Variants in ACCSL observed in about 807,000 individuals in gnomAD.
ACCSL encodes the protein 1-aminocyclopropane-1-carboxylate synthase homolog (inactive) like.
Under a neutral mutation model 61.7 loss-of-function variants are expected in ACCSL, and 55 were observed. That is an observed-to-expected ratio of 0.89 (90% CI 0.72 to 1.12). The LOEUF (loss-of-function observed/expected upper bound fraction) is 1.12. ACCSL is among the 50% of genes most tolerant of loss of function. ACCSL has a pLI of 0.00. For missense variants in ACCSL, 632 were observed against 698.0 expected, an observed-to-expected ratio of 0.91 and a Z score of 1.07; for synonymous variants, 258 against 264.3, an observed-to-expected ratio of 0.98 and a Z score of 0.23.
chr11:43,982,583 C>A, the ACCSL span, among the ~76,000 whole-genome samples: 1 of 152,228 alleles, frequency 6.6e-6, no homozygotes, highest in South Asian at 2.1e-4. Context: ...TGTGTGTGAA[C>A]CGCCCGCATG....
At chr11:44,015,825 A>G in the ACCSL span, among the ~76,000 whole-genome samples, 2 of 152,206 alleles carry the variant, frequency 1.3e-5, no homozygotes, top group Admixed American at 6.5e-5. Flanking sequence ...TCTGAGCCTC[A>G]GTTTTCATAT....
chr11:44,052,857 G>A lies in ACCSL; in HGVS notation c.870+98G>A. 10 of 1,447,174 alleles carry A rather than the reference G, an allele frequency of 6.9e-6. No homozygotes were observed. In the South Asian group the frequency reaches 1.0e-4, roughly 15 times the overall value. 89.6% of individuals were successfully genotyped at this position (1,447,174 alleles called of 1,614,324 possible). A position where few individuals can be genotyped will look rare whatever the true frequency, so the allele number is the denominator to read the frequency against. Reference sequence around the variant, plus strand: ...AGGGGCTTGCTTTCTACCCATCTAAGTGGTTGGGTAGGGGTGGAGAAGGCA... The same window carrying A: ...AGGGGCTTGCTTTCTACCCATCTAAATGGTTGGGTAGGGGTGGAGAAGGCA... On this transcript the variant is annotated intron_variant, in intron 6 of 13. Transcript: ENST00000378832.
chr11:43,939,386 C>CAA, the ACCSL span, among the ~76,000 whole-genome samples: 1 of 152,186 alleles, frequency 6.6e-6, no homozygotes, highest in African/African-American at 2.4e-5. Context: ...TAAGGAGCTA[C>CAA]AAAGTACAGT....
the ACCSL span, among the ~76,000 whole-genome samples, chr11:44,010,601 A>T: frequency 6.6e-6 from 1 of 152,168 alleles, no homozygotes. Context: ...TGGTTTTGCT[A>T]TGTTCACATT....
chr11:43,994,774 A>C, the ACCSL span, among the ~76,000 whole-genome samples: 13 of 152,016 alleles, frequency 8.6e-5, no homozygotes, highest in Non-Finnish European at 1.8e-4. Flanking sequence ...CTGGGACTAC[A>C]ATGCGCGTGC....
the ACCSL span, among the ~76,000 whole-genome samples, chr11:43,979,805 C>T: frequency 1.4e-5 from 2 of 139,720 alleles, no homozygotes; most frequent in African/African-American, 5.5e-5. Flanking sequence ...TGAGATTGCG[C>T]GACTGTGCTC....
chr11:44,003,328 C>T, the ACCSL span, among the ~76,000 whole-genome samples: 1 of 152,154 alleles, frequency 6.6e-6, no homozygotes, highest in African/African-American at 2.4e-5. Context: ...ACTATCTTAA[C>T]TATTTTTAAA....
the ACCSL span, among the ~76,000 whole-genome samples, chr11:43,997,213 T>C: frequency 2.6e-5 from 4 of 152,084 alleles, no homozygotes; most frequent in Admixed American, 2.6e-4. Context: ...CTCGGAGGCG[T>C]GGACCAACAT....
chr11:44,029,561 G>T, the ACCSL span, among the ~76,000 whole-genome samples: 1 of 152,208 alleles, frequency 6.6e-6, no homozygotes, highest in African/African-American at 2.4e-5. Context: ...CAGTGAGGTG[G>T]TGCTGGATTG....
At chr11:43,943,555 G>C in the ACCSL span, 1 of 1,318,206 alleles carries the variant, frequency 7.6e-7, no homozygotes, top group South Asian at 1.2e-5. This position sits in a 1 kb window ranked among gnomAD's most constrained non-coding sequence, Gnocchi z 4.8. Flanking sequence ...GTGTGTGCGG[G>C]GAGGCGCGCC....
the ACCSL span, among the ~76,000 whole-genome samples, chr11:43,941,717 T>C: frequency 6.6e-6 from 1 of 152,214 alleles, no homozygotes; most frequent in Non-Finnish European, 1.5e-5. Flanking sequence ...AGTGGACCAG[T>C]TACTTATCCC....
At chr11:44,021,217 C>T in the ACCSL span, among the ~76,000 whole-genome samples, 1 of 152,170 alleles carries the variant, frequency 6.6e-6, no homozygotes, top group South Asian at 2.1e-4. Context: ...AGTGGTTGTA[C>T]TAGCTTACAT....
At chr11:44,026,590 G>A in the ACCSL span, among the ~76,000 whole-genome samples, 2 of 152,106 alleles carry the variant, frequency 1.3e-5, no homozygotes, top group Non-Finnish European at 2.9e-5. Context: ...ATACTTTCCT[G>A]TTTCTTAGTG....
chr11:44,049,656 G>C (rs1475468462), intron 1 of ACCSL, among the ~76,000 whole-genome samples: 1 of 152,128 alleles, frequency 6.6e-6, no homozygotes, highest in African/African-American at 2.4e-5. Flanking sequence ...GGGATTAAGG[G>C]TCCAGGCTCA....
At chr11:43,991,303 A>C in the ACCSL span, among the ~76,000 whole-genome samples, 2 of 152,198 alleles carry the variant, frequency 1.3e-5, no homozygotes, top group Non-Finnish European at 2.9e-5. Context: ...TGCAGCCTCC[A>C]TTTTGTCATC....
At chr11:44,033,471 C>G in the ACCSL span, among the ~76,000 whole-genome samples, 1 of 152,126 alleles carries the variant, frequency 6.6e-6, no homozygotes, top group Non-Finnish European at 1.5e-5. Context: ...GATAGCAACC[C>G]CTTCCCAGCC....
At chr11:43,959,493 G>A in the ACCSL span, among the ~76,000 whole-genome samples, 2 of 152,214 alleles carry the variant, frequency 1.3e-5, no homozygotes, top group Admixed American at 1.3e-4. Flanking sequence ...CTGATGCAAA[G>A]CCATTTCCCT....
the ACCSL span, among the ~76,000 whole-genome samples, chr11:44,029,555 G>A: frequency 6.6e-6 from 1 of 152,230 alleles, no homozygotes. Flanking sequence ...CTCATGCAGT[G>A]AGGTGGTGCT....
the ACCSL span, among the ~76,000 whole-genome samples, chr11:43,932,126 A>G: frequency 6.6e-6 from 1 of 152,182 alleles, no homozygotes; most frequent in African/African-American, 2.4e-5. Flanking sequence ...CCATTAAAAA[A>G]TTCACCCTCC....
Sources: allele counts gnomAD v4.1 joint callset (sites outside exome capture counted in the v4.1 genomes callset), GRCh38; gene constraint gnomAD v4.1.1; non-coding constraint Gnocchi (gnomAD v3.1); transcripts MANE v1.5; gene names NCBI Gene and HGNC (gene_info 2026-07-23, HGNC 2026-07-21).